The following ST6GALNAC3 variants were observed in gnomAD, a reference collection of about 807,000 sequenced individuals.
ST6GALNAC3 encodes the protein ST6 N-acetylgalactosaminide alpha-2,6-sialyltransferase 3.
A neutral mutation model predicts 32.7 loss-of-function variants in ST6GALNAC3; 25 were observed. That is an observed-to-expected ratio of 0.76 (90% CI 0.56 to 1.07). The LOEUF is 1.07. ST6GALNAC3 is among the 50% of genes least tolerant of loss of function. The probability of loss-of-function intolerance (pLI) is 0.00; values close to 1 mark genes in which losing one functional copy is unlikely to be tolerated. For missense variants in ST6GALNAC3, 355 were observed against 382.4 expected (o/e 0.93, Z 0.60); for synonymous variants, 129 against 133.1 (o/e 0.97, Z 0.21).
At chr1:76,625,200 GT>G (rs1319201370) in intron 3 of ST6GALNAC3, among the ~76,000 whole-genome samples, 1 of 151,948 alleles carries the variant, frequency 6.6e-6, no homozygotes, top group Non-Finnish European at 1.5e-5. Flanking sequence ...GTGATCAATT[GT>G]TTTAACATGT....
intron 1 of ST6GALNAC3, among the ~76,000 whole-genome samples, chr1:76,240,178 G>A (rs1325020701): frequency 6.6e-6 from 1 of 152,076 alleles, no homozygotes; most frequent in East Asian, 1.9e-4. Context: ...TTCAATAAAT[G>A]GCATATATAC....
At chr1:76,177,042 T>G (rs1652899514) in intron 1 of ST6GALNAC3, among the ~76,000 whole-genome samples, 1 of 152,212 alleles carries the variant, frequency 6.6e-6, no homozygotes, top group Admixed American at 6.5e-5. Flanking sequence ...GCTACTGAAC[T>G]CTAGCTTAGG....
intron 1 of ST6GALNAC3, among the ~76,000 whole-genome samples, chr1:76,113,049 T>C (rs1038190014): frequency 1.3e-5 from 2 of 152,072 alleles, no homozygotes; most frequent in African/African-American, 4.8e-5. Context: ...CTGGGCACCA[T>C]TGAGCACTGA....
At chr1:76,425,948 T>A (rs1319405973) in intron 3 of ST6GALNAC3, among the ~76,000 whole-genome samples, 1 of 151,916 alleles carries the variant, frequency 6.6e-6, no homozygotes, top group Non-Finnish European at 1.5e-5. Context: ...GATGAGCTCA[T>A]AAATATGTTA....
intron 1 of ST6GALNAC3, among the ~76,000 whole-genome samples, chr1:76,087,996 A>G (rs1268439276): frequency 6.6e-6 from 1 of 152,228 alleles, no homozygotes; most frequent in African/African-American, 2.4e-5. Context: ...GTCTGAGGTC[A>G]TGTGGCCAGT....
intron 3 of ST6GALNAC3, among the ~76,000 whole-genome samples, chr1:76,488,940 T>C (rs1484425399): frequency 1.3e-5 from 2 of 152,208 alleles, no homozygotes; most frequent in African/African-American, 4.8e-5. Context: ...GTGATCATCT[T>C]TCTTCTTCCT....
chr1:76,420,974 C>T (rs1321070452), intron 3 of ST6GALNAC3, among the ~76,000 whole-genome samples: 1 of 151,900 alleles, frequency 6.6e-6, no homozygotes, highest in Non-Finnish European at 1.5e-5. Flanking sequence ...TATGTTTAAT[C>T]TCTTCAAGTG....
At chr1:76,589,210 C>T (rs1031241064) in intron 3 of ST6GALNAC3, among the ~76,000 whole-genome samples, 1 of 152,126 alleles carries the variant, frequency 6.6e-6, no homozygotes. Context: ...TATTTCATGC[C>T]ATTTGCAAAT....
intron 3 of ST6GALNAC3, among the ~76,000 whole-genome samples, chr1:76,621,783 T>C (rs929389953): frequency 1.3e-5 from 2 of 152,076 alleles, no homozygotes; most frequent in African/African-American, 2.4e-5. Flanking sequence ...ATGCTTTTAA[T>C]TGAATAATCT....
chr1:76,276,171 T>C (rs1242380995), intron 1 of ST6GALNAC3, among the ~76,000 whole-genome samples: 1 of 150,978 alleles, frequency 6.6e-6, no homozygotes, highest in Non-Finnish European at 1.5e-5. Context: ...AAAATTATTC[T>C]GAAATATTTT....
intron 3 of ST6GALNAC3, among the ~76,000 whole-genome samples, chr1:76,569,522 A>G (rs190208609): frequency 1.6e-4 from 24 of 152,342 alleles, no homozygotes; most frequent in Admixed American, 1.3e-3. Context: ...AAATAAAATC[A>G]TGTTAATACT....
At chr1:76,337,359 A>G (rs192702326) in intron 2 of ST6GALNAC3, among the ~76,000 whole-genome samples, 231 of 152,296 alleles carry the variant, frequency 1.5e-3, no homozygotes, top group Admixed American at 2.3e-3. Flanking sequence ...CGCGGAAGCT[A>G]CTGTAAGATT....
At chr1:76,380,236 A>C (rs542869089) in intron 2 of ST6GALNAC3, among the ~76,000 whole-genome samples, 14 of 152,216 alleles carry the variant, frequency 9.2e-5, no homozygotes, top group Non-Finnish European at 1.5e-4. Flanking sequence ...CTCATCACTC[A>C]TCAGGGTAGT....
rs1024488500 is a variant in ST6GALNAC3 at position 76,400,078 on chromosome 1, A to G, written c.214-11930A>G. 4.6e-5 allele frequency among the ~76,000 whole-genome samples: 7 copies of G among 152,150 alleles called. No homozygotes were observed. The East Asian group carries it at 9.6e-4, about 21-fold the overall frequency. On this transcript the variant is annotated intron_variant, in intron 2 of 4. Coordinates refer to ENST00000328299, the MANE Select transcript of ST6GALNAC3 (RefSeq NM_152996.4). ...TTAAATAGCAGCGGGGATAGTGGAA[A>G]TTATTGTTTTATTCCTCATTTTGAA...
rs1391440044 is a variant in ST6GALNAC3, at chr1:76,547,880, A to T, written c.624-79572A>T. 2.1e-5 allele frequency among the ~76,000 whole-genome samples: 3 copies of T among 144,800 alleles called. No individual in the cohort carries two copies. The East Asian group carries it at 6.2e-4, about 30-fold the overall frequency. The allele number at this position is 144,800 out of a possible 152,430, so 95.0% of individuals were successfully genotyped here. ...CTGTCTCAAAAAAAAAAAAAAAAAA[A>T]TCAACCACAAATATCCAAGTAGATA... On this transcript the variant is annotated intron_variant, in intron 3 of 4. Transcript: ENST00000328299.
At chr1:76,582,403 A>C (rs554799248) in intron 3 of ST6GALNAC3, among the ~76,000 whole-genome samples, 1 of 152,288 alleles carries the variant, frequency 6.6e-6, no homozygotes, top group Non-Finnish European at 1.5e-5. Flanking sequence ...GACATCGGAT[A>C]GACTTTCATG....
rs112315191 is a variant in ST6GALNAC3, at chr1:76,401,495, T to C, written c.214-10513T>C. Among the ~76,000 whole-genome samples the C allele has an allele frequency of 5.9e-3, 899 of 152,320 alleles. 10 individuals carry two copies. The highest frequency in any genetic ancestry group is 0.021 in the African/African-American group (859 of 41,566). Reference sequence around the variant, plus strand: ...CCTGTAATTCCGTATGTGGAGATTTTATGTGAGTATTTTTGTTGGTTTTCT... The same window carrying C: ...CCTGTAATTCCGTATGTGGAGATTTCATGTGAGTATTTTTGTTGGTTTTCT... On this transcript the variant is annotated intron_variant, in intron 2 of 4. Coordinates refer to ENST00000328299, the MANE Select transcript of ST6GALNAC3 (RefSeq NM_152996.4).
chr1:76,211,298 G>A (rs972091438), intron 1 of ST6GALNAC3, among the ~76,000 whole-genome samples: 2 of 152,218 alleles, frequency 1.3e-5, no homozygotes, highest in Non-Finnish European at 2.9e-5. Flanking sequence ...AGGTGCTGGA[G>A]AGGATGTGGA....
At chr1:76,527,844 C>T (rs1663007424) in intron 3 of ST6GALNAC3, among the ~76,000 whole-genome samples, 1 of 152,032 alleles carries the variant, frequency 6.6e-6, no homozygotes, top group South Asian at 2.1e-4. Flanking sequence ...GATTGTCCCA[C>T]ATAAACTATA....
Sources: gnomAD v4.1 joint callset for allele counts (sites outside exome capture counted in the v4.1 genomes callset) on GRCh38, gnomAD v4.1.1 for gene constraint, MANE v1.5 for transcripts, NCBI Gene and HGNC (gene_info 2026-07-23, HGNC 2026-07-21) for gene names.